The following ZNF423 variants were observed in gnomAD, a reference collection of about 807,000 sequenced individuals.
ZNF423 encodes zinc finger protein 423, also known as Ebf-associated zinc finger protein.
ZNF423 carries 12 observed loss-of-function variants against 95.8 expected under a neutral mutation model. The ratio of observed to expected loss-of-function variants is 0.13; its 90% confidence interval spans 0.08 to 0.20. The LOEUF (loss-of-function observed/expected upper bound fraction) is 0.20. Among genes scored for constraint, ZNF423 ranks in the 10% least tolerant of loss-of-function variants. ZNF423 has a pLI of 1.00. For missense variants in ZNF423, 1,316 were observed against 1,737.1 expected, an observed-to-expected ratio of 0.76 and a Z score of 4.31; for synonymous variants, 749 against 711.9, an observed-to-expected ratio of 1.05 and a Z score of -0.83.
chr16:49,670,544 C>T (rs1484560877), intron 3 of ZNF423, among the ~76,000 whole-genome samples: 3 of 152,166 alleles, frequency 2.0e-5, no homozygotes, highest in African/African-American at 7.2e-5. Context: ...ATGCAGGCAG[C>T]CAACCTAGTG....
intron 7 of ZNF423, among the ~76,000 whole-genome samples, chr16:49,503,276 AAAC>A (rs923284481): frequency 6.6e-6 from 1 of 152,164 alleles, no homozygotes; most frequent in African/African-American, 2.4e-5. Flanking sequence ...AAAGCTGAGA[AAAC>A]AACGTGAAGC....
intron 5 of ZNF423, among the ~76,000 whole-genome samples, chr16:49,569,532 A>G (rs1970295701): frequency 6.6e-6 from 1 of 152,130 alleles, no homozygotes; most frequent in African/African-American, 2.4e-5. Context: ...CCTCAGCTAG[A>G]TTACTTTAAG....
intron 1 of ZNF423, among the ~76,000 whole-genome samples, chr16:49,813,789 G>T (rs2034792926): frequency 6.6e-6 from 1 of 152,190 alleles, no homozygotes; most frequent in Non-Finnish European, 1.5e-5. Context: ...CAGCACAGTG[G>T]CCGAGACAGC....
At chr16:49,520,803 A>AAAACCCTCCTCTC (rs1968365554) in intron 7 of ZNF423, among the ~76,000 whole-genome samples, 1 of 152,214 alleles carries the variant, frequency 6.6e-6, no homozygotes, top group Non-Finnish European at 1.5e-5. Context: ...CCAATGCCTG[A>AAAACCCTCCTCTC]AAAACCCTCC....
chr16:49,694,927 C>CT (rs1485571466), intron 3 of ZNF423, among the ~76,000 whole-genome samples: 1 of 152,226 alleles, frequency 6.6e-6, no homozygotes, highest in Non-Finnish European at 1.5e-5. Flanking sequence ...ATGACCAAGC[C>CT]TTACAAATAC....
At chr16:49,773,486 G>A (rs1175884272) in intron 2 of ZNF423, among the ~76,000 whole-genome samples, 1 of 152,188 alleles carries the variant, frequency 6.6e-6, no homozygotes, top group East Asian at 1.9e-4. Flanking sequence ...GATTTGGGTG[G>A]GGACACAGTG....
chr16:49,527,801 A>G (rs1968670933), intron 5 of ZNF423, among the ~76,000 whole-genome samples: 1 of 152,084 alleles, frequency 6.6e-6, no homozygotes. Flanking sequence ...AACCTTTCCT[A>G]TATGCATGTA....
intron 3 of ZNF423, among the ~76,000 whole-genome samples, chr16:49,728,604 G>A (rs2033087165): frequency 6.6e-6 from 1 of 152,170 alleles, no homozygotes; most frequent in African/African-American, 2.4e-5. Flanking sequence ...GCCACTGGGA[G>A]GAGGATTCTT....
intron 5 of ZNF423, among the ~76,000 whole-genome samples, chr16:49,585,826 C>A (rs114200531): frequency 6.6e-6 from 1 of 152,120 alleles, no homozygotes. Context: ...TGGAGTCAGA[C>A]GCACAATTCA....
At chr16:49,762,764 A>T (rs1318711236) in intron 2 of ZNF423, among the ~76,000 whole-genome samples, 1 of 151,724 alleles carries the variant, frequency 6.6e-6, no homozygotes, top group Non-Finnish European at 1.5e-5. Flanking sequence ...TACCTTCAAC[A>T]CCCCATCTGA....
chr16:49,848,222 C>A (rs377218533), intron 1 of ZNF423, among the ~76,000 whole-genome samples: 7 of 152,262 alleles, frequency 4.6e-5, no homozygotes, highest in South Asian at 2.1e-4. Flanking sequence ...TCAGACCAGC[C>A]AGGTGAGCAT....
rs137945527 is a variant in ZNF423, at chr16:49,811,803, G to A, written c.41-22257C>T. 8.1e-3 allele frequency among the ~76,000 whole-genome samples: 817 copies of A among 100,858 alleles called. 4 individuals carry two copies. The highest frequency in any genetic ancestry group is 0.03 in the African/African-American group (798 of 26,510). The allele number at this position is 100,858 out of a possible 152,430, so 66.2% of individuals were successfully genotyped here. On this transcript the variant is annotated intron_variant, in intron 1 of 7. Coordinates refer to ENST00000563137, the MANE Select transcript of ZNF423 (RefSeq NM_001379286.1). ...TCAGCTGCCCAGGCCCCGCCTGACC[G>A]CCCGCCTCAGCCACCCAGCCTGGAA...
rs1189739308 is a variant in ZNF423, at chr16:49,603,497, C to T, written c.3601+22673G>A. On this transcript the variant is annotated intron_variant, in intron 5 of 7. Coordinates refer to ENST00000563137, the MANE Select transcript of ZNF423 (RefSeq NM_001379286.1). The surrounding 1 kb of genome is among the most constrained non-coding windows in gnomAD (Gnocchi z 4.1). ...TGATCTCAGCTTGCTGCGACCTCCGCCTCCCGGGTTCAAGTGATTCTCCTG... is the reference window on the plus strand; with the variant it reads ...TGATCTCAGCTTGCTGCGACCTCCGTCTCCCGGGTTCAAGTGATTCTCCTG... Among the ~76,000 whole-genome samples, 1 of 152,138 alleles carries T rather than the reference C, an allele frequency of 6.6e-6. No individual in the cohort carries two copies. The highest frequency in any genetic ancestry group is 1.9e-4 in the East Asian group (1 of 5,198).
At chr16:49,851,957 T>C (rs986031934) in intron 1 of ZNF423, among the ~76,000 whole-genome samples, 1 of 152,164 alleles carries the variant, frequency 6.6e-6, no homozygotes, top group African/African-American at 2.4e-5. Flanking sequence ...AAAGACCCTA[T>C]AAAGGATTTG....
intron 5 of ZNF423, among the ~76,000 whole-genome samples, chr16:49,621,560 C>T (rs1972085556): frequency 6.6e-6 from 1 of 152,158 alleles, no homozygotes; most frequent in Non-Finnish European, 1.5e-5. Flanking sequence ...GGGAGGCCTG[C>T]CTCAGACCCC....
Position 49,794,796 on chromosome 16 carries a change from C to T in ZNF423, c.41-5250G>A, listed in dbSNP as rs113954836. Among the ~76,000 whole-genome samples the T allele has an allele frequency of 7.5e-3, 1,139 of 152,358 alleles. 12 individuals are homozygous for T. Among genetic ancestry groups the T allele is most frequent in the Admixed American group, 0.012 (190 of 15,314 alleles). On this transcript the variant is annotated intron_variant, in intron 1 of 7. Coordinates refer to ENST00000563137, the MANE Select transcript of ZNF423 (RefSeq NM_001379286.1). ...CTTTTATCTGCCTCCCTCACTAGGG[C>T]ATGGACAATGCCTGTCTTGTTCATT... is the stretch of plus-strand genomic sequence containing the variant.
intron 1 of ZNF423, among the ~76,000 whole-genome samples, chr16:49,815,896 ATATATATATATATATATATTTTTT>A (rs2034839519): frequency 7.3e-5 from 4 of 55,148 alleles, no homozygotes; most frequent in African/African-American, 2.8e-4. Context: ...ATATATATAT[ATATATATATATATATATATTTTTT>A]TTTTTTTTTT....
chr16:49,687,484 T>C (rs1389257182), intron 3 of ZNF423, among the ~76,000 whole-genome samples: 1 of 152,082 alleles, frequency 6.6e-6, no homozygotes, highest in Non-Finnish European at 1.5e-5. Context: ...AAAAATAAGA[T>C]GTGAAAGATG....
intron 3 of ZNF423, among the ~76,000 whole-genome samples, chr16:49,724,546 A>G (rs188058957): frequency 3.9e-4 from 60 of 152,346 alleles, no homozygotes; most frequent in Non-Finnish European, 7.3e-4. Flanking sequence ...CAAGTCAGTA[A>G]GGCAGGGAGC....
Sources: allele counts gnomAD v4.1 joint callset (sites outside exome capture counted in the v4.1 genomes callset), GRCh38; gene constraint gnomAD v4.1.1; non-coding constraint Gnocchi (gnomAD v3.1); transcripts MANE v1.5; gene names NCBI Gene and HGNC (gene_info 2026-07-23, HGNC 2026-07-21).